Variants in CTSF observed in about 807,000 individuals in gnomAD.
The protein encoded by CTSF is cathepsin F.
In CTSF, 65 loss-of-function variants were observed where a neutral mutation model predicts 63.5. The ratio of observed to expected loss-of-function variants is 1.02; its 90% CI spans 0.84 to 1.26. The LOEUF is 1.26. Ranked by LOEUF, CTSF falls within the 50% of genes most tolerant of loss-of-function variation. The pLI is 0.00. For synonymous variants in CTSF, 256 were observed against 258.1 expected (o/e 0.99, Z 0.08); for missense variants, 641 against 631.0 (o/e 1.02, Z -0.17).
At chr11:66,566,220 C>T in intron 5 of CTSF, 53 bp from the exon 6 acceptor site, 1 of 1,613,832 alleles carries the variant, frequency 6.2e-7, no homozygotes, top group Non-Finnish European at 8.5e-7. Flanking sequence ...TAAGCCAGAC[C>T]TGACCAGAGG....
Position 66,567,427 on chromosome 11 carries a change from A to G in CTSF, c.531+17T>C, listed in dbSNP as rs759408416. On this transcript the variant is annotated intron_variant, in intron 3 of 12. Coordinates refer to ENST00000310325, the MANE Select transcript of CTSF (RefSeq NM_003793.4). Reference sequence around the variant, plus strand: ...GGCTCCTCAAGCTGAGGGCTCCTCAAGCTGAGGGCTCCTCACCTGGGACAG... The same window carrying G: ...GGCTCCTCAAGCTGAGGGCTCCTCAGGCTGAGGGCTCCTCACCTGGGACAG... 26 of 1,608,724 alleles carry G rather than the reference A, an allele frequency of 1.6e-5. No individual in the cohort carries two copies. Among genetic ancestry groups the G allele is most frequent in the Non-Finnish European group, 2.2e-5 (26 of 1,179,190 alleles).
In CTSF at chr11:66,566,400, G is replaced by A. The variant is rs1857934130; in HGVS notation, c.612C>T (p.Ala204=). ...YNRTYESKEE[A]RWRLSVFVNN... ...TGACAAAGACGGACAGGCGCCACCGGGCTTCTGAGGACCAAGGAGCAGAAG... is the reference window on the plus strand; with the variant it reads ...TGACAAAGACGGACAGGCGCCACCGAGCTTCTGAGGACCAAGGAGCAGAAG... The change falls in exon 5 of 13, where the codon GCC becomes GCT. Residue 204 remains alanine (A), a synonymous_variant. Transcript: ENST00000310325. The A allele has an allele frequency of 6.2e-7, 1 of 1,613,888 alleles. No individual in the cohort carries two copies. The highest frequency in any genetic ancestry group is 8.5e-7 in the Non-Finnish European group (1 of 1,179,978).
Position 66,566,049 on chromosome 11 carries a change from C to G in CTSF, c.840G>C (p.Lys280Asn). 1 of 1,614,190 alleles carries G rather than the reference C, an allele frequency of 6.2e-7. No individual in the cohort carries two copies. The highest frequency in any genetic ancestry group is 8.5e-7 in the Non-Finnish European group (1 of 1,180,022). The change falls in exon 6 of 13, where the codon AAG (lysine) becomes AAC (asparagine). Residue 280 changes from lysine (K) to asparagine (N), a missense_variant. Lys to Asn is a moderately conservative substitution (Grantham distance 94). Transcript: ENST00000310325. Reference protein sequence around the residue: ...LAPPEWDWRSKGAVTKVKDQG... With the variant: ...LAPPEWDWRSNGAVTKVKDQG... Reference sequence around the variant, plus strand: ...GGTCTTTGACTTTTGTGACAGCCCCCTTACTCCTCCAGTCCCATTCAGGTG... The same window carrying G: ...GGTCTTTGACTTTTGTGACAGCCCCGTTACTCCTCCAGTCCCATTCAGGTG...
In CTSF at chr11:66,565,715, AT is replaced by A. The variant is rs761415902; in HGVS notation, c.1000del (p.Met334TrpfsTer12). ...GTAGGCATTGGAGGGCAAGCCGCCC[AT>A]GCAGGCCTTGTCCATCTTGTCACAG... ...LDCDKMDKAC[M>X]GGLPSNAYSA... On this transcript the variant is annotated frameshift_variant, in exon 8 of 13. Transcript: ENST00000310325. LOFTEE classifies it high-confidence loss of function. 2.5e-6 allele frequency: 4 copies of A among 1,613,812 alleles called. No individual in the cohort carries two copies. In the South Asian group the frequency reaches 4.4e-5, roughly 18 times the overall value.
At chr11:66,565,337 C>T (rs1265621112) in intron 8 of CTSF, among the ~76,000 whole-genome samples, 1 of 152,182 alleles carries the variant, frequency 6.6e-6, no homozygotes, top group Non-Finnish European at 1.5e-5. Context: ...ACCTCCTGGG[C>T]TCAAGCGATC....
In CTSF at chr11:66,564,780, C is replaced by T. The variant is rs1357290069; in HGVS notation, c.1192G>A (p.Gly398Ser). 2.5e-6 allele frequency: 4 copies of T among 1,613,914 alleles called. No individual in the cohort carries two copies. The highest frequency in any genetic ancestry group is 4.5e-5 in the East Asian group (2 of 44,884). The change falls in exon 10 of 13, where the codon GGC (glycine) becomes AGC (serine). Residue 398 changes from glycine (G) to serine (S), a missense_variant. By Grantham distance (56) the Gly-to-Ser change is moderately conservative. Transcript: ENST00000310325. ...QKLAAWLAKR[G>S]PISVAINAFG... ...GCATTGATGGCCACGGAGATTGGGC[C>T]TCTCTTGGCCAGCCAGGCTGCCAGC...
intron 1 of CTSF, 80 bp downstream of exon 1, chr11:66,568,194 C>A (rs1857979187): frequency 6.5e-7 from 1 of 1,528,940 alleles, no homozygotes. Context: ...GTCCAGCGGG[C>A]AGGCCCCATC....
chr11:66,563,795 A>G lies in CTSF; in HGVS notation c.*138T>C, dbSNP rs188785271. On this transcript the variant is annotated 3_prime_UTR_variant, in exon 13 of 13. Transcript: ENST00000310325. ...GGAAGCAGGGGCTGTGCCCCAGCCCAGTGCCCTCTGCTCACCCTGAGGTAC... is the reference window on the plus strand; with the variant it reads ...GGAAGCAGGGGCTGTGCCCCAGCCCGGTGCCCTCTGCTCACCCTGAGGTAC... 2.1e-5 allele frequency: 22 copies of G among 1,038,954 alleles called. No individual in the cohort carries two copies. In the Admixed American group the frequency reaches 4.1e-4, roughly 20 times the overall value. The allele number at this position is 1,038,954 out of a possible 1,614,324, so 64.4% of individuals were successfully genotyped here.
chr11:66,565,215 T>G (rs1341876438), intron 8 of CTSF, among the ~76,000 whole-genome samples: 1 of 152,118 alleles, frequency 6.6e-6, no homozygotes, highest in Non-Finnish European at 1.5e-5. Flanking sequence ...GCAAGAAAAG[T>G]GGCAGAGACA....
chr11:66,567,213 T>C (rs373380286), intron 4 of CTSF, 33 bp downstream of exon 4: 8 of 1,610,872 alleles, frequency 5.0e-6, no homozygotes, highest in African/African-American at 2.7e-5. Context: ...CCTGTTCTGA[T>C]AGGAACAGGT....
rs1271863497 is a variant in CTSF, at chr11:66,567,443, C to G, written c.531+1G>C. 6.2e-7 allele frequency: 1 copy of G among 1,613,620 alleles called. No homozygotes were observed. Among genetic ancestry groups the G allele is most frequent in the Non-Finnish European group, 8.5e-7 (1 of 1,179,756 alleles). ...GGCTCCTCAAGCTGAGGGCTCCTCA[C>G]CTGGGACAGGGGATCCTCATTCAAC... On this transcript the variant is annotated splice_donor_variant, in intron 3 of 12. Coordinates refer to ENST00000310325, the MANE Select transcript of CTSF (RefSeq NM_003793.4). LOFTEE classifies it high-confidence loss of function.
At chr11:66,566,485 T>A (rs1857935971) in intron 4 of CTSF, 81 bp from the exon 5 acceptor site, 1 of 1,346,334 alleles carries the variant, frequency 7.4e-7, no homozygotes, top group East Asian at 2.4e-5. Flanking sequence ...CAGGCAGGGG[T>A]TTCCCCGGGG....
Position 66,563,705 on chromosome 11 carries a change from C to T in CTSF, c.*228G>A, listed in dbSNP as rs1857857946. ...AGATACCACCCTTCACCCCGACATCCTCCTAAGCTACCACAATTCAACAAA... is the reference window on the plus strand; with the variant it reads ...AGATACCACCCTTCACCCCGACATCTTCCTAAGCTACCACAATTCAACAAA... On this transcript the variant is annotated 3_prime_UTR_variant, in exon 13 of 13. Coordinates refer to ENST00000310325, the MANE Select transcript of CTSF (RefSeq NM_003793.4). 1.6e-6 allele frequency: 1 copy of T among 609,504 alleles called. No homozygotes were observed. The highest frequency in any genetic ancestry group is 2.9e-6 in the Non-Finnish European group (1 of 346,928). The allele number at this position is 609,504 out of a possible 1,614,324, so 37.8% of individuals were successfully genotyped here. A position where few individuals can be genotyped will look rare whatever the true frequency, so the allele number is the denominator to read the frequency against.
In CTSF at chr11:66,563,617, T is replaced by G; in HGVS notation, c.*316A>C. The G allele has an allele frequency of 1.9e-6, 1 of 539,446 alleles. No homozygotes were observed. Among genetic ancestry groups the G allele is most frequent in the Non-Finnish European group, 3.3e-6 (1 of 301,230 alleles). The allele number at this position is 539,446 out of a possible 1,614,324, so 33.4% of individuals were successfully genotyped here. Reference sequence around the variant, plus strand: ...GGGCAGAACAGAGCTGGGCTTAAGATCAGAAAATTTTCTTCCTGCTCATTA... The same window carrying G: ...GGGCAGAACAGAGCTGGGCTTAAGAGCAGAAAATTTTCTTCCTGCTCATTA... On this transcript the variant is annotated 3_prime_UTR_variant, in exon 13 of 13. Coordinates refer to ENST00000310325, the MANE Select transcript of CTSF (RefSeq NM_003793.4).
Position 66,568,256 on chromosome 11 carries a change from C to T in CTSF, c.213+18G>A, listed in dbSNP as rs1244472407. ...CTTGGACCCGGGCCTGGCGCCCCCG[C>T]CCCCGGCGCGTCCTCACCCGGCGGA... On this transcript the variant is annotated intron_variant, in intron 1 of 12. Transcript: ENST00000310325. 1 of 1,513,494 alleles carries T rather than the reference C, an allele frequency of 6.6e-7. No individual in the cohort carries two copies. Among genetic ancestry groups the T allele is most frequent in the East Asian group, 2.6e-5 (1 of 37,990 alleles). The allele number at this position is 1,513,494 out of a possible 1,614,324, so 93.8% of individuals were successfully genotyped here.
At position 66,566,388 on chromosome 11, in the gene CTSF, C is replaced by T. The variant is rs764211718; in HGVS notation, c.624G>A (p.Leu208=). The T allele has an allele frequency of 1.2e-6, 2 of 1,614,070 alleles. No homozygotes were observed. Among genetic ancestry groups the T allele is most frequent in the Admixed American group, 3.3e-5 (2 of 60,012 alleles). The change falls in exon 5 of 13, where the codon CTG becomes CTA. Residue 208 remains leucine (L), a synonymous_variant. Transcript: ENST00000310325. ...YESKEEARWR[L]SVFVNNMVRA... ...GCACCATGTTATTGACAAAGACGGA[C>T]AGGCGCCACCGGGCTTCTGAGGACC...
In CTSF at chr11:66,565,754, A is replaced by G. The variant is rs1857914782; in HGVS notation, c.965-3T>C. On this transcript the variant is annotated splice_region_variant and splice_polypyrimidine_tract_variant and intron_variant, in intron 7 of 12. Transcript: ENST00000310325. ...CATCTTGTCACAGTCCAAGAGCTCT[A>G]GGAGACAGAAGGCTGGTCCCAAGAA... The G allele has an allele frequency of 6.2e-7, 1 of 1,613,918 alleles. No homozygotes were observed. Among genetic ancestry groups the G allele is most frequent in the Admixed American group, 1.7e-5 (1 of 60,026 alleles).
rs1857983242 is a variant in CTSF, at chr11:66,568,319, C to T, written c.168G>A (p.Ala56=). 2.3e-6 allele frequency: 3 copies of T among 1,319,898 alleles called. No homozygotes were observed. The highest frequency in any genetic ancestry group is 4.2e-5 in the Admixed American group (1 of 23,856). The allele number at this position is 1,319,898 out of a possible 1,614,324, so 81.8% of individuals were successfully genotyped here. ...CAAGGCCCAGCACGGCCCGCGTCCC[C>T]GCAGCCCGGCCGCGGTTGAACATCT... ...ALEMFNRGRA[A]GTRAVLGLVR... The change falls in exon 1 of 13, where the codon GCG becomes GCA. Residue 56 remains alanine (A), a synonymous_variant. Transcript: ENST00000310325.
rs773555427 is a variant in CTSF at position 66,565,697 on chromosome 11, T to C, written c.1019A>G (p.Asn340Ser). The change falls in exon 8 of 13, where the codon AAT (asparagine) becomes AGT (serine). Residue 340 changes from asparagine to serine, a missense_variant. By Grantham distance (46) the Asn-to-Ser change is conservative. Coordinates refer to ENST00000310325, the MANE Select transcript of CTSF (RefSeq NM_003793.4). ...CAAATTCTTTATGGCCGAGTAGGCATTGGAGGGCAAGCCGCCCATGCAGGC... is the reference window on the plus strand; with the variant it reads ...CAAATTCTTTATGGCCGAGTAGGCACTGGAGGGCAAGCCGCCCATGCAGGC... ...DKACMGGLPS[N>S]AYSAIKNLGG... The C allele has an allele frequency of 7.4e-6, 12 of 1,613,558 alleles. No individual in the cohort carries two copies. The highest frequency in any genetic ancestry group is 5.3e-5 in the African/African-American group (4 of 74,930).
Sources: allele counts gnomAD v4.1 joint callset (sites outside exome capture counted in the v4.1 genomes callset), GRCh38; gene constraint gnomAD v4.1.1; transcripts MANE v1.5; gene names NCBI Gene and HGNC (gene_info 2026-07-23, HGNC 2026-07-21).